The following CELF2 variants were observed in gnomAD, a reference collection of about 807,000 sequenced individuals.
CELF2 encodes the protein CUG triplet repeat RNA-binding protein 2.
A neutral mutation model predicts 62.6 loss-of-function variants in CELF2; 8 were observed. The ratio of observed to expected loss-of-function variants is 0.13; its 90% CI spans 0.07 to 0.23. CELF2 has a LOEUF of 0.23. CELF2 is among the 10% of genes least tolerant of loss of function. The pLI, the probability that CELF2 is intolerant of heterozygous loss-of-function variation, is 1.00. For synonymous variants in CELF2, 258 were observed against 250.0 expected (o/e 1.03, Z -0.30); for missense variants, 333 against 671.0 (o/e 0.50, Z 5.56).
the CELF2 span, among the ~76,000 whole-genome samples, chr10:10,540,392 C>G: frequency 1.3e-5 from 2 of 152,272 alleles, no homozygotes; most frequent in African/African-American, 2.4e-5. Context: ...TCTCAGGAAC[C>G]TTTTGCTTTG....
At chr10:10,719,190 C>A in the CELF2 span, among the ~76,000 whole-genome samples, 3 of 151,908 alleles carry the variant, frequency 2.0e-5, no homozygotes, top group African/African-American at 7.3e-5. Context: ...GAACTCCTAA[C>A]CTCTTGATCC....
intron 11 of CELF2, 126 bp from the exon 12 acceptor site, chr10:11,325,710 T>G (rs2095689134): frequency 1.3e-6 from 1 of 796,206 alleles, no homozygotes; most frequent in Non-Finnish European, 2.0e-6. Flanking sequence ...GCACTTGACA[T>G]TTATCCATCT....
At chr10:10,664,936 A>T in the CELF2 span, among the ~76,000 whole-genome samples, 5 of 152,240 alleles carry the variant, frequency 3.3e-5, no homozygotes, top group African/African-American at 1.2e-4. Flanking sequence ...ATCAAATATA[A>T]CCAAGAAAAA....
chr10:10,547,517 G>A, the CELF2 span, among the ~76,000 whole-genome samples: 1 of 151,738 alleles, frequency 6.6e-6, no homozygotes, highest in Non-Finnish European at 1.5e-5. Flanking sequence ...GTTGCCTTAA[G>A]GTGTATTTAA....
chr10:11,038,325 G>T (rs2061299637), intron 1 of CELF2, among the ~76,000 whole-genome samples: 1 of 152,136 alleles, frequency 6.6e-6, no homozygotes, highest in Non-Finnish European at 1.5e-5. Context: ...ATTCCTAAGA[G>T]AAAAAATGCT....
intron 1 of CELF2, among the ~76,000 whole-genome samples, chr10:10,896,537 A>G (rs896137563): frequency 1.3e-5 from 2 of 151,874 alleles, no homozygotes; most frequent in Admixed American, 6.6e-5. Context: ...CCTAAATCCA[A>G]TATGGCCAGT....
the CELF2 span, among the ~76,000 whole-genome samples, chr10:10,584,885 C>T: frequency 6.6e-6 from 1 of 152,170 alleles, no homozygotes; most frequent in African/African-American, 2.4e-5. Flanking sequence ...TACATAGCCC[C>T]ATGTGGCTGG....
rs1303632693 is a variant in CELF2, at chr10:11,306,263, T to A, written c.977-7876T>A. Among the ~76,000 whole-genome samples the A allele has an allele frequency of 6.6e-6, 1 of 151,932 alleles. No homozygotes were observed. Among genetic ancestry groups the A allele is most frequent in the Non-Finnish European group, 1.5e-5 (1 of 67,996 alleles). On this transcript the variant is annotated intron_variant, in intron 9 of 12. Transcript: ENST00000633077. The surrounding 1 kb of genome is among the most constrained non-coding windows in gnomAD (Gnocchi z 4.4). ...TGAACCAACATTTATAGACCGCACC[T>A]CTCCTGAGATGCTCCTTTGGCATTT...
At chr10:11,212,923 C>T (rs182845464) in intron 2 of CELF2, among the ~76,000 whole-genome samples, 5 of 152,204 alleles carry the variant, frequency 3.3e-5, no homozygotes, top group Admixed American at 2.6e-4. Context: ...TGGCATGAAT[C>T]GTCCCATGCA....
At chr10:11,160,126 A>G (rs1037081438) in intron 1 of CELF2, among the ~76,000 whole-genome samples, 1 of 152,248 alleles carries the variant, frequency 6.6e-6, no homozygotes, top group Non-Finnish European at 1.5e-5. Context: ...GCAGCTGGTT[A>G]TATTATCTAA....
At chr10:10,586,537 C>T in the CELF2 span, among the ~76,000 whole-genome samples, 1 of 152,124 alleles carries the variant, frequency 6.6e-6, no homozygotes, top group Non-Finnish European at 1.5e-5. Context: ...TGTCATTTTC[C>T]CCTTTGAAGC....
chr10:11,037,515 A>C (rs2139266909), intron 1 of CELF2, among the ~76,000 whole-genome samples: 1 of 152,320 alleles, frequency 6.6e-6, no homozygotes, highest in South Asian at 2.1e-4. Context: ...CAGTCTCAGT[A>C]GCCTGGGCTT....
chr10:11,272,351 ATTTG>A (rs1296069559), intron 7 of CELF2, among the ~76,000 whole-genome samples: 5 of 152,226 alleles, frequency 3.3e-5, no homozygotes, highest in Non-Finnish European at 7.3e-5. Flanking sequence ...CTTGACTATG[ATTTG>A]TTTTTCACAA....
rs183631521 is a variant in CELF2, at chr10:10,939,726, G to A, written c.89+19727G>A. 9.2e-3 allele frequency among the ~76,000 whole-genome samples: 1,405 copies of A among 151,956 alleles called. 17 individuals are homozygous for A. The highest frequency in any genetic ancestry group is 0.017 in the Admixed American group (263 of 15,264). On this transcript the variant is annotated intron_variant, in intron 2 of 13. Coordinates refer to the CELF2 transcript ENST00000636488. ...TCCCAGCACTTTGGGAGGCCGAGGC[G>A]GACGGATCACGAGGTCAGGAGATCG... is the stretch of plus-strand genomic sequence containing the variant.
intron 1 of CELF2, among the ~76,000 whole-genome samples, chr10:10,907,006 G>C (rs1028556451): frequency 3.9e-5 from 6 of 151,958 alleles, no homozygotes; most frequent in Non-Finnish European, 7.4e-5. Flanking sequence ...CATGAGCCAC[G>C]AGAACGTACC....
intron 3 of CELF2, among the ~76,000 whole-genome samples, chr10:11,240,583 A>G (rs1311991859): frequency 3.3e-5 from 5 of 151,834 alleles, no homozygotes; most frequent in Middle Eastern, 3.4e-3. Flanking sequence ...AGCCGGGGCT[A>G]CACTTCCCTG....
At chr10:10,874,237 G>C (rs2060943433) in intron 1 of CELF2, among the ~76,000 whole-genome samples, 1 of 152,142 alleles carries the variant, frequency 6.6e-6, no homozygotes, top group Non-Finnish European at 1.5e-5. Flanking sequence ...AGGATTGCTT[G>C]AGCCTAGGAG....
chr10:11,136,140 A>G (rs761280686), intron 1 of CELF2, among the ~76,000 whole-genome samples: 3 of 152,240 alleles, frequency 2.0e-5, no homozygotes, highest in Non-Finnish European at 4.4e-5. Flanking sequence ...AGGTTCAGAA[A>G]GACAACTGGA....
At chr10:10,837,473 G>A (rs1258715005) in intron 1 of CELF2, among the ~76,000 whole-genome samples, 1 of 152,198 alleles carries the variant, frequency 6.6e-6, no homozygotes, top group African/African-American at 2.4e-5. Context: ...TACAACTGCT[G>A]TGATCTTTTC....
Sources: gnomAD v4.1 joint callset for allele counts (sites outside exome capture counted in the v4.1 genomes callset) on GRCh38, gnomAD v4.1.1 for gene constraint, Gnocchi (gnomAD v3.1) non-coding constraint, MANE v1.5 for transcripts, NCBI Gene and HGNC (gene_info 2026-07-23, HGNC 2026-07-21) for gene names.